GABBR2: variants seen among roughly 807,000 people sequenced by gnomAD.
The protein encoded by GABBR2 is gamma-aminobutyric acid type B receptor subunit 2.
In GABBR2, 23 loss-of-function variants were observed where a neutral mutation model predicts 105.6. The observed-to-expected ratio is 0.22, with a 90% CI of 0.16 to 0.31. GABBR2 has a LOEUF of 0.31. GABBR2 is among the 10% of genes least tolerant of loss of function. GABBR2 has a pLI of 1.00. For missense variants in GABBR2, 734 were observed against 1,245.5 expected, an observed-to-expected ratio of 0.59 and a Z score of 6.18; for synonymous variants, 478 against 499.7, an observed-to-expected ratio of 0.96 and a Z score of 0.58.
intron 11 of GABBR2, among the ~76,000 whole-genome samples, chr9:98,375,631 C>G (rs1257433160): frequency 1.3e-5 from 2 of 152,214 alleles, no homozygotes; most frequent in African/African-American, 4.8e-5. Flanking sequence ...AGAACTGGAG[C>G]ATTTGATAGC....
chr9:98,444,675 T>C (rs1474761205), intron 7 of GABBR2, among the ~76,000 whole-genome samples: 2 of 151,120 alleles, frequency 1.3e-5, no homozygotes, highest in African/African-American at 4.8e-5. Flanking sequence ...CTCTCGAAAA[T>C]GTTTCTGACA....
intron 7 of GABBR2, among the ~76,000 whole-genome samples, chr9:98,447,255 G>A (rs1444020336): frequency 1.4e-5 from 2 of 142,358 alleles, no homozygotes; most frequent in Non-Finnish European, 3.1e-5. Context: ...TAGAGATGGG[G>A]TTTCACCGTT....
At chr9:98,669,844 A>G (rs1830384884) in intron 1 of GABBR2, among the ~76,000 whole-genome samples, 1 of 152,268 alleles carries the variant, frequency 6.6e-6, no homozygotes, top group South Asian at 2.1e-4. Context: ...GGAAACCAGA[A>G]GCACACATCA....
rs1564109459 is a variant in GABBR2, at chr9:98,542,133, T to G, written c.460-90A>C. 3 of 1,079,096 alleles carry G rather than the reference T, an allele frequency of 2.8e-6. No homozygotes were observed. The East Asian group carries it at 7.6e-5, about 27-fold the overall frequency. The allele number at this position is 1,079,096 out of a possible 1,614,324, so 66.8% of individuals were successfully genotyped here. A position where few individuals can be genotyped will look rare whatever the true frequency, so the allele number is the denominator to read the frequency against. ...TCCTACTGGAATAGAGACTGTTAGC[T>G]TCAACTTAGAGCATAAACACACAGG... On this transcript the variant is annotated intron_variant, in intron 2 of 18. Coordinates refer to ENST00000259455, the MANE Select transcript of GABBR2 (RefSeq NM_005458.8).
chr9:98,561,811 G>A (rs753462444), intron 2 of GABBR2, among the ~76,000 whole-genome samples: 4 of 152,196 alleles, frequency 2.6e-5, no homozygotes, highest in Admixed American at 6.5e-5. Context: ...TTGAGCGCAG[G>A]AGTTTGAGGT....
chr9:98,399,486 C>G (rs958228575), intron 8 of GABBR2, among the ~76,000 whole-genome samples: 1 of 152,116 alleles, frequency 6.6e-6, no homozygotes, highest in Admixed American at 6.5e-5. Flanking sequence ...ACGCATCACA[C>G]TTTGCTGTTG....
intron 7 of GABBR2, among the ~76,000 whole-genome samples, chr9:98,449,024 C>T (rs75828415): frequency 1.9e-3 from 288 of 152,066 alleles, no homozygotes; most frequent in Middle Eastern, 3.5e-3. Flanking sequence ...GGTCTCCTGA[C>T]GATGAATTTA....
intron 6 of GABBR2, among the ~76,000 whole-genome samples, chr9:98,464,725 CTG>C (rs1325778289): frequency 6.6e-6 from 1 of 152,128 alleles, no homozygotes; most frequent in Non-Finnish European, 1.5e-5. Flanking sequence ...GTTACTGTGT[CTG>C]TGTAGAAAGA....
At chr9:98,428,021 C>T (rs547674257) in intron 7 of GABBR2, among the ~76,000 whole-genome samples, 42 of 152,332 alleles carry the variant, frequency 2.8e-4, no homozygotes, top group African/African-American at 9.9e-4. Context: ...TCCTAACCCA[C>T]AGAAACTATG....
At chr9:98,624,045 G>A (rs1291338567) in intron 1 of GABBR2, among the ~76,000 whole-genome samples, 9 of 152,196 alleles carry the variant, frequency 5.9e-5, no homozygotes, top group Non-Finnish European at 1.0e-4. Flanking sequence ...CCCTCCGTCT[G>A]TCCTGTGAGG....
intron 1 of GABBR2, among the ~76,000 whole-genome samples, chr9:98,695,320 T>C (rs1830734939): frequency 2.0e-5 from 3 of 152,138 alleles, no homozygotes; most frequent in African/African-American, 4.8e-5. Flanking sequence ...GCCCAGCTCA[T>C]AGCCTGGCGG....
chr9:98,351,799 TTTC>T (rs1389272964), intron 13 of GABBR2, among the ~76,000 whole-genome samples: 1 of 152,238 alleles, frequency 6.6e-6, no homozygotes, highest in Non-Finnish European at 1.5e-5. Flanking sequence ...TCATTTTGAA[TTTC>T]TTTTCTGGCA....
chr9:98,628,010 A>C (rs1436403760), intron 1 of GABBR2, among the ~76,000 whole-genome samples: 1 of 152,254 alleles, frequency 6.6e-6, no homozygotes, highest in Non-Finnish European at 1.5e-5. Flanking sequence ...ATTGTAGCTA[A>C]ATGGCTTTTA....
chr9:98,450,767 C>T (rs1158216704), intron 7 of GABBR2, among the ~76,000 whole-genome samples: 2 of 152,158 alleles, frequency 1.3e-5, no homozygotes, highest in Non-Finnish European at 2.9e-5. Context: ...AGGAATTTCC[C>T]ATTAAAAAGA....
intron 3 of GABBR2, among the ~76,000 whole-genome samples, chr9:98,505,057 G>T (rs1481926497): frequency 6.6e-6 from 1 of 152,246 alleles, no homozygotes; most frequent in South Asian, 2.1e-4. Flanking sequence ...GATGGTTCAG[G>T]AAATTAGATT....
chr9:98,609,324 A>C (rs1391467457), intron 1 of GABBR2, among the ~76,000 whole-genome samples: 1 of 152,012 alleles, frequency 6.6e-6, no homozygotes, highest in Non-Finnish European at 1.5e-5. Context: ...GTCATCTTGC[A>C]GTTGGCATTT....
intron 1 of GABBR2, among the ~76,000 whole-genome samples, chr9:98,648,347 G>C (rs1055786880): frequency 1.6e-4 from 24 of 151,972 alleles, no homozygotes; most frequent in African/African-American, 5.3e-4. Context: ...TGGCCAGGCT[G>C]GTCTCGAACC....
At chr9:98,430,954 A>G (rs796267498) in intron 7 of GABBR2, among the ~76,000 whole-genome samples, 5 of 150,124 alleles carry the variant, frequency 3.3e-5, no homozygotes, top group African/African-American at 1.2e-4. Context: ...TTTTTCTTTA[A>G]CTTGTTTACA....
intron 3 of GABBR2, among the ~76,000 whole-genome samples, chr9:98,503,304 G>A (rs959864909): frequency 3.9e-5 from 6 of 152,174 alleles, no homozygotes; most frequent in African/African-American, 1.4e-4. Context: ...GGAGGCTGTC[G>A]GAATGAACTG....
Sources: gnomAD v4.1 joint callset for allele counts (sites outside exome capture counted in the v4.1 genomes callset) on GRCh38, gnomAD v4.1.1 for gene constraint, MANE v1.5 for transcripts, NCBI Gene and HGNC (gene_info 2026-07-23, HGNC 2026-07-21) for gene names.